Variants in SPTA1 observed in about 807,000 individuals in gnomAD.
The protein encoded by SPTA1 is spectrin alpha chain, erythrocytic 1.
A neutral mutation model predicts 324.7 loss-of-function variants in SPTA1; 177 were observed. That is an observed-to-expected ratio of 0.55 (90% CI 0.48 to 0.62). The LOEUF (loss-of-function observed/expected upper bound fraction) is 0.62, where lower values mean the gene tolerates loss of function less well. SPTA1 is among the 20% of genes least tolerant of loss of function. The pLI is 0.00. For synonymous variants in SPTA1, 1,195 were observed against 1,041.3 expected (o/e 1.15, Z -2.84); for missense variants, 3,162 against 2,883.6 (o/e 1.10, Z -2.21).
At chr1:158,667,718 A>T (rs1384283734) in intron 15 of SPTA1, 140 bp downstream of exon 15, 1 of 878,036 alleles carries the variant, frequency 1.1e-6, no homozygotes, top group African/African-American at 1.7e-5. Flanking sequence ...AAATTTTACC[A>T]ATAAAAGAAA....
At chr1:158,672,395 A>G (rs990956333) in intron 10 of SPTA1, among the ~76,000 whole-genome samples, 199 bp from the exon 11 acceptor site, 13 of 152,214 alleles carry the variant, frequency 8.5e-5, no homozygotes, top group Non-Finnish European at 1.8e-4. Context: ...AAAACACTAT[A>G]TGTATAAGGA....
chr1:158,663,193 T>C (rs1033706688), intron 16 of SPTA1, among the ~76,000 whole-genome samples: 2 of 152,214 alleles, frequency 1.3e-5, no homozygotes, highest in African/African-American at 4.8e-5. Flanking sequence ...ATTTATAGAA[T>C]GCTTCAAGGA....
At chr1:158,616,875 T>C (rs1240912298) in intron 47 of SPTA1, among the ~76,000 whole-genome samples, 2 of 152,198 alleles carry the variant, frequency 1.3e-5, no homozygotes, top group Non-Finnish European at 2.9e-5. Context: ...CCACTTTCTC[T>C]ACATCTTCAC....
At chr1:158,669,837 T>G in intron 12 of SPTA1, 51 bp from the exon 13 acceptor site, 2 of 1,560,892 alleles carry the variant, frequency 1.3e-6, no homozygotes, top group Non-Finnish European at 1.8e-6. Flanking sequence ...GACCACTGAG[T>G]AAGTGGCCAT....
chr1:158,684,705 T>A (rs2101956325), intron 2 of SPTA1, among the ~76,000 whole-genome samples: 1 of 152,152 alleles, frequency 6.6e-6, no homozygotes, highest in East Asian at 1.9e-4. Context: ...TTGATGTAAT[T>A]TTTTACTTTT....
intron 33 of SPTA1, among the ~76,000 whole-genome samples, chr1:158,642,061 A>G (rs969959976): frequency 6.6e-6 from 1 of 152,032 alleles, no homozygotes; most frequent in Non-Finnish European, 1.5e-5. Flanking sequence ...TCACAAGGAC[A>G]AAAAACCAAA....
chr1:158,618,166 T>A, intron 45 of SPTA1, 110 bp from the exon 46 acceptor site: 1 of 1,222,588 alleles, frequency 8.2e-7, no homozygotes, highest in South Asian at 1.2e-5. Flanking sequence ...ACATTTTAAA[T>A]CTTTTGTTGC....
At chr1:158,623,813 G>A (rs1571386856) in intron 42 of SPTA1, among the ~76,000 whole-genome samples, 1 of 152,228 alleles carries the variant, frequency 6.6e-6, no homozygotes, top group East Asian at 1.9e-4. Context: ...GCAGAGACTG[G>A]AGTGCTACTA....
At chr1:158,646,971 A>T (rs958773943) in intron 27 of SPTA1, among the ~76,000 whole-genome samples, 3 of 152,108 alleles carry the variant, frequency 2.0e-5, no homozygotes, top group African/African-American at 7.2e-5. Flanking sequence ...TTTGGTCCCA[A>T]TATTATTTTT....
chr1:158,624,110 C>T (rs572852959), intron 42 of SPTA1, among the ~76,000 whole-genome samples: 1 of 96,426 alleles, frequency 1.0e-5, no homozygotes, highest in Non-Finnish European at 2.2e-5. Context: ...ATGGAAACAC[C>T]TACATACTGC....
chr1:158,668,097 AC>A (rs1653745380), intron 14 of SPTA1, 35 bp from the exon 15 acceptor site: 1 of 1,586,982 alleles, frequency 6.3e-7, no homozygotes, highest in African/African-American at 1.4e-5. Flanking sequence ...AAAAACCATT[AC>A]CTGAAGAATG....
chr1:158,643,171 A>G, intron 31 of SPTA1, 151 bp downstream of exon 31: 4 of 1,222,058 alleles, frequency 3.3e-6, no homozygotes, highest in Non-Finnish European at 4.7e-6. Context: ...TCATTCTATA[A>G]ATCTAAGTCA....
chr1:158,627,538 C>T (rs1156701828), intron 40 of SPTA1, 87 bp downstream of exon 40: 1 of 1,277,920 alleles, frequency 7.8e-7, no homozygotes, highest in South Asian at 1.2e-5. Context: ...TAGCACTGCT[C>T]TCTGCATATG....
chr1:158,656,719 T>C (rs1652854558), intron 19 of SPTA1, 63 bp from the exon 20 acceptor site: 1 of 1,451,098 alleles, frequency 6.9e-7, no homozygotes, highest in Non-Finnish European at 9.6e-7. Context: ...TTTCAACTAC[T>C]ATTATTTTGG....
chr1:158,620,378 A>G lies in SPTA1; in HGVS notation c.6209T>C (p.Val2070Ala). The change falls in exon 44 of 52, where the codon GTG becomes GCG. Residue 2070 changes from valine to alanine, a missense_variant. Val to Ala is a moderately conservative substitution (Grantham distance 64, BLOSUM62 0). Transcript: ENST00000643759. ...EKMEENLSEP[V>A]HCVSLNEIRQ... ...AATTTCATTCAGGGAGACACAGTGCACAGGCTCTGACAAGTTTTCTTCCAT... is the reference window on the plus strand; with the variant it reads ...AATTTCATTCAGGGAGACACAGTGCGCAGGCTCTGACAAGTTTTCTTCCAT... 6.2e-7 allele frequency: 1 copy of G among 1,614,068 alleles called. No individual in the cohort carries two copies. The highest frequency in any genetic ancestry group is 8.5e-7 in the Non-Finnish European group (1 of 1,180,040).
In SPTA1 at chr1:158,659,595, A is replaced by ATTTTTTTTTTTTTTT. The variant is rs1177353050; in HGVS notation, c.2587+1677_2587+1691dup. ...AAAAGAAAATAATAGTCTTAGCATT[A>ATTTTTTTTTTTTTTT]TTTTTTTTTTTTTTTTTTTTTTTTT... On this transcript the variant is annotated intron_variant, in intron 18 of 51. Coordinates refer to ENST00000643759, the MANE Select transcript of SPTA1 (RefSeq NM_003126.4). Among the ~76,000 whole-genome samples, 118 of 68,776 alleles carry ATTTTTTTTTTTTTTT rather than the reference A, an allele frequency of 1.7e-3. 23 individuals carry two copies. The highest frequency in any genetic ancestry group is 3.1e-3 in the Non-Finnish European group (94 of 30,032). The allele number at this position is 68,776 out of a possible 152,430, so 45.1% of individuals were successfully genotyped here. A position where few individuals can be genotyped will look rare whatever the true frequency, so the allele number is the denominator to read the frequency against.
chr1:158,615,086 TA>T, intron 48 of SPTA1, 129 bp downstream of exon 48: 1 of 1,001,770 alleles, frequency 1.0e-6, no homozygotes, highest in South Asian at 1.4e-5. Flanking sequence ...CGTGGGGCAG[TA>T]AAGACCCAGA....
At chr1:158,676,097 C>G (rs1158770969) in intron 8 of SPTA1, 44 bp downstream of exon 8, 1 of 1,611,622 alleles carries the variant, frequency 6.2e-7, no homozygotes, top group African/African-American at 1.3e-5. Context: ...TATATCTGGG[C>G]CCTGTAGAGA....
At chr1:158,626,604 G>T (rs572541063) in intron 41 of SPTA1, among the ~76,000 whole-genome samples, 1 of 151,914 alleles carries the variant, frequency 6.6e-6, no homozygotes, top group Non-Finnish European at 1.5e-5. Context: ...CTGGAGTTAC[G>T]GTACATAATT....
Sources: allele counts gnomAD v4.1 joint callset (sites outside exome capture counted in the v4.1 genomes callset), GRCh38; gene constraint gnomAD v4.1.1; transcripts MANE v1.5; gene names NCBI Gene and HGNC (gene_info 2026-07-23, HGNC 2026-07-21).